MLLT10: variants seen among roughly 807,000 people sequenced by gnomAD.
The protein encoded by MLLT10 is MLLT10 histone lysine methyltransferase DOT1L cofactor, also known as protein AF-10.
MLLT10 carries 30 observed loss-of-function variants against 129.1 expected under a neutral mutation model. The ratio of observed to expected loss-of-function variants is 0.23; its 90% CI spans 0.17 to 0.32. The LOEUF (loss-of-function observed/expected upper bound fraction) is 0.32, where lower values mean the gene tolerates loss of function less well. Among genes scored for constraint, MLLT10 ranks in the 10% least tolerant of loss-of-function variants. The pLI is 1.00. For synonymous variants in MLLT10, 490 were observed against 446.4 expected, an observed-to-expected ratio of 1.10 and a Z score of -1.23; for missense variants, 1,119 against 1,268.3, an observed-to-expected ratio of 0.88 and a Z score of 1.79.
chr10:21,643,400 C>A (rs1175717844), intron 8 of MLLT10, among the ~76,000 whole-genome samples: 1 of 152,122 alleles, frequency 6.6e-6, no homozygotes, highest in Non-Finnish European at 1.5e-5. Flanking sequence ...TAAACATAAT[C>A]CTCATAGTTG....
chr10:21,587,997 T>C (rs1344659357), intron 4 of MLLT10, among the ~76,000 whole-genome samples: 4 of 152,346 alleles, frequency 2.6e-5, no homozygotes, highest in South Asian at 4.1e-4. Context: ...GTTAATATTA[T>C]ATACTCTTCT....
At chr10:21,650,648 T>C (rs2048932373) in intron 8 of MLLT10, among the ~76,000 whole-genome samples, 1 of 152,148 alleles carries the variant, frequency 6.6e-6, no homozygotes, top group African/African-American at 2.4e-5. Flanking sequence ...CGATGAACTC[T>C]TTAAATAGTA....
chr10:21,552,729 G>A (rs746579372), intron 3 of MLLT10, among the ~76,000 whole-genome samples: 4 of 152,028 alleles, frequency 2.6e-5, no homozygotes, highest in Non-Finnish European at 4.4e-5. Flanking sequence ...CATGGTTATC[G>A]TATTAGGTCG....
chr10:21,636,549 T>C (rs544301490), intron 8 of MLLT10, among the ~76,000 whole-genome samples: 2 of 152,244 alleles, frequency 1.3e-5, no homozygotes, highest in Non-Finnish European at 2.9e-5. Flanking sequence ...AATGTTCTTT[T>C]ATAGTGCCTA....
At chr10:21,738,443 AT>A in intron 21 of MLLT10, 1 of 1,289,042 alleles carries the variant, frequency 7.8e-7, no homozygotes. Flanking sequence ...TGGTTAAGGA[AT>A]TTTCAGCACA....
intron 7 of MLLT10, among the ~76,000 whole-genome samples, chr10:21,616,853 A>T (rs2045314928): frequency 6.6e-6 from 1 of 151,968 alleles, no homozygotes; most frequent in Non-Finnish European, 1.5e-5. Flanking sequence ...ATAGTAGCTT[A>T]TTTGAAAATA....
intron 14 of MLLT10, among the ~76,000 whole-genome samples, chr10:21,716,284 A>T (rs1295194044): frequency 6.6e-6 from 1 of 152,224 alleles, no homozygotes; most frequent in Non-Finnish European, 1.5e-5. Context: ...TTCAAGTCTT[A>T]CATTAGTTGT....
intron 9 of MLLT10, among the ~76,000 whole-genome samples, chr10:21,663,754 G>C (rs1201747787): frequency 6.6e-6 from 1 of 152,036 alleles, no homozygotes; most frequent in African/African-American, 2.4e-5. Context: ...TTTTAGTAGA[G>C]ACGGGGTTTC....
chr10:21,607,911 C>A (rs560189902), intron 5 of MLLT10, among the ~76,000 whole-genome samples: 2 of 151,876 alleles, frequency 1.3e-5, no homozygotes, highest in Admixed American at 6.6e-5. Flanking sequence ...ACATCTGGAG[C>A]AAGAAAATCT....
At chr10:21,654,523 GA>G (rs2049363815) in intron 9 of MLLT10, among the ~76,000 whole-genome samples, 1 of 151,832 alleles carries the variant, frequency 6.6e-6, no homozygotes, top group African/African-American at 2.4e-5. Context: ...TTTGAGTGAA[GA>G]AAAAAAGGCA....
chr10:21,593,595 T>C lies in MLLT10; in HGVS notation c.296-1736T>C, dbSNP rs1198685182. Among the ~76,000 whole-genome samples, 3 of 152,062 alleles carry C rather than the reference T, an allele frequency of 2.0e-5. No individual in the cohort carries two copies. In the East Asian group the frequency reaches 5.8e-4, roughly 29 times the overall value. The stretch of plus-strand genomic sequence containing the variant: ...TTCATTCATATTGTCTTGTCTGTCA[T>C]GTGTTTGGTACTTATTGTGCTGGAA... On this transcript the variant is annotated intron_variant, in intron 4 of 22. Transcript: ENST00000307729.
chr10:21,742,239 T>C lies in MLLT10; in HGVS notation c.*256T>C. 1 of 390,362 alleles carries C rather than the reference T, an allele frequency of 2.6e-6. No homozygotes were observed. The highest frequency in any genetic ancestry group is 4.5e-6 in the Non-Finnish European group (1 of 219,944). 24.2% of individuals were successfully genotyped at this position (390,362 alleles called of 1,614,324 possible). ...ATGGAAAGAAAATTTAATAACTTTT[T>C]AAAGTGACATAATTTACATGCAATA... On this transcript the variant is annotated 3_prime_UTR_variant, in exon 23 of 23. Transcript: ENST00000307729.
chr10:21,693,448 T>C (rs568228958), intron 13 of MLLT10, among the ~76,000 whole-genome samples: 7 of 152,084 alleles, frequency 4.6e-5, no homozygotes, highest in Non-Finnish European at 7.4e-5. Context: ...TCAATCGTGC[T>C]CTTAGTATCT....
chr10:21,669,429 G>A lies in MLLT10; in HGVS notation c.796-1020G>A, dbSNP rs76314348. Among the ~76,000 whole-genome samples, 34 of 152,078 alleles carry A rather than the reference G, an allele frequency of 2.2e-4. No homozygotes were observed. The East Asian group carries it at 6.4e-3, about 28-fold the overall frequency. ...ATCTGATTGTTTGTGTTGAGTGGTG[G>A]CTGTATGTGGGAAAATTCACTTTTG... is the stretch of plus-strand genomic sequence containing the variant. On this transcript the variant is annotated intron_variant, in intron 9 of 22. Transcript: ENST00000307729.
In MLLT10 at chr10:21,582,573, A is replaced by T. The variant is rs1363983122; in HGVS notation, c.241-3721A>T. Among the ~76,000 whole-genome samples the T allele has an allele frequency of 3.3e-5, 5 of 152,314 alleles. No individual in the cohort carries two copies. The East Asian group carries it at 5.8e-4, about 18-fold the overall frequency. Reference sequence around the variant, plus strand: ...CTGGGGTTCTTAGAATGTTTCTCCCATGGATAACTGGGGGACTACTGCATT... The same window carrying T: ...CTGGGGTTCTTAGAATGTTTCTCCCTTGGATAACTGGGGGACTACTGCATT... On this transcript the variant is annotated intron_variant, in intron 3 of 22. Coordinates refer to ENST00000307729, the MANE Select transcript of MLLT10 (RefSeq NM_001195626.3).
chr10:21,579,761 C>G (rs991570586), intron 3 of MLLT10, among the ~76,000 whole-genome samples: 2 of 151,694 alleles, frequency 1.3e-5, no homozygotes, highest in African/African-American at 4.8e-5. Context: ...CGGGGTTTCT[C>G]CATGTTGGTC....
At chr10:21,711,923 C>T (rs927539823) in intron 13 of MLLT10, among the ~76,000 whole-genome samples, 3 of 152,118 alleles carry the variant, frequency 2.0e-5, no homozygotes, top group African/African-American at 7.2e-5. Flanking sequence ...TTTGTAATGC[C>T]TTTTTTCTAC....
intron 8 of MLLT10, among the ~76,000 whole-genome samples, chr10:21,621,286 C>T (rs1292062035): frequency 6.7e-6 from 1 of 148,758 alleles, no homozygotes; most frequent in African/African-American, 2.5e-5. Context: ...GCTCTGTTGC[C>T]TAGGCTGGAG....
intron 9 of MLLT10, chr10:21,669,180 A>C: frequency 1.2e-6 from 1 of 861,978 alleles, no homozygotes; most frequent in Non-Finnish European, 1.5e-6. Context: ...ATAGTGGAGT[A>C]CTTTGTTTTT....
Sources: allele counts gnomAD v4.1 joint callset (sites outside exome capture counted in the v4.1 genomes callset), GRCh38; gene constraint gnomAD v4.1.1; transcripts MANE v1.5; gene names NCBI Gene and HGNC (gene_info 2026-07-23, HGNC 2026-07-21).